DNAH5: variants seen among roughly 807,000 people sequenced by gnomAD.
DNAH5 encodes dynein axonemal heavy chain 5.
DNAH5 carries 372 observed loss-of-function variants against 518.2 expected under a neutral mutation model. The ratio of observed to expected loss-of-function variants is 0.72; its 90% CI spans 0.66 to 0.78. The LOEUF (loss-of-function observed/expected upper bound fraction) is 0.78, where lower values mean the gene tolerates loss of function less well. Among genes scored for constraint, DNAH5 ranks in the 30% least tolerant of loss-of-function variants. DNAH5 has a pLI of 0.00. For missense variants in DNAH5, 5,523 were observed against 5,687.0 expected, an observed-to-expected ratio of 0.97 and a Z score of 0.93; for synonymous variants, 2,039 against 2,025.9, an observed-to-expected ratio of 1.01 and a Z score of -0.17.
intron 12 of DNAH5, among the ~76,000 whole-genome samples, chr5:13,906,906 G>A (rs1775372965): frequency 7.6e-6 from 1 of 132,112 alleles, no homozygotes; most frequent in African/African-American, 2.5e-5. Context: ...AATGAGCTAA[G>A]CTGTCAGTTG....
In DNAH5 at chr5:13,856,191, A is replaced by G. The variant is rs190950479; in HGVS notation, c.4950+3261T>C. Among the ~76,000 whole-genome samples the G allele has an allele frequency of 3.0e-3, 460 of 152,306 alleles. 1 individual carries two copies. Among genetic ancestry groups the G allele is most frequent in the African/African-American group, 0.01 (427 of 41,556 alleles). On this transcript the variant is annotated intron_variant, in intron 30 of 78. Transcript: ENST00000265104. ...TAGAGACATGAAAAACCCTTCAAAA[A>G]AATCAATGAATCCAGGAGCTGGTTT...
At chr5:13,989,804 T>C (rs114495554) in intron 1 of DNAH5, among the ~76,000 whole-genome samples, 1 of 151,982 alleles carries the variant, frequency 6.6e-6, no homozygotes, top group African/African-American at 2.4e-5. Context: ...TTAATAGTGA[T>C]TAATATTTCT....
At position 13,864,589 on chromosome 5, in the gene DNAH5, G is replaced by A. The variant is rs1768950903; in HGVS notation, c.4404C>T (p.Asp1468=). The A allele has an allele frequency of 1.2e-6, 2 of 1,613,902 alleles. No homozygotes were observed. Residue 1468 remains aspartate, a synonymous_variant, in exon 28 of 79, where the codon GAC becomes GAT. Transcript: ENST00000265104. ...TGAAATCATCAATGATCTTCTTCAG[G>A]TCCAAAAAAGCCTGCCAGTCCTTCA... The part of the protein sequence containing the change: ...RALKDWQAFL[D]LKKIIDDFSE...
intron 1 of DNAH5, among the ~76,000 whole-genome samples, chr5:13,987,817 G>A (rs1783162722): frequency 6.6e-6 from 1 of 150,392 alleles, no homozygotes; most frequent in Non-Finnish European, 1.5e-5. Context: ...TGGCGCCACT[G>A]CACTCCAGCC....
At position 13,766,102 on chromosome 5, in the gene DNAH5, G is replaced by A. The variant is rs771715883; in HGVS notation, c.9975C>T (p.Cys3325=). The part of the protein sequence containing the change: ...PPHLIMRIMD[C]VLLLFQRKVS... ...CTTTCCTTTGAAACAGCAGCAGTACGCAATCCATGATCCGCATGATGAGGT... is the reference window on the plus strand; with the variant it reads ...CTTTCCTTTGAAACAGCAGCAGTACACAATCCATGATCCGCATGATGAGGT... Residue 3325 remains cysteine (C), a synonymous_variant, in exon 59 of 79, where the codon TGC becomes TGT. Coordinates refer to ENST00000265104, the MANE Select transcript of DNAH5 (RefSeq NM_001369.3). 71 of 1,614,064 alleles carry A rather than the reference G, an allele frequency of 4.4e-5. No homozygotes were observed. The Middle Eastern group carries it at 8.2e-4, about 19-fold the overall frequency.
At chr5:13,739,159 C>T (rs912075511) in intron 65 of DNAH5, among the ~76,000 whole-genome samples, 18 of 152,124 alleles carry the variant, frequency 1.2e-4, no homozygotes, top group African/African-American at 4.1e-4. Flanking sequence ...CAATTGGGTA[C>T]TCTGGATATG....
chr5:13,956,505 A>G (rs1780771207), intron 1 of DNAH5, among the ~76,000 whole-genome samples: 1 of 151,924 alleles, frequency 6.6e-6, no homozygotes, highest in African/African-American at 2.4e-5. Flanking sequence ...ATTGTCTTTT[A>G]TCTTTGTTAA....
chr5:13,847,677 T>C lies in DNAH5; in HGVS notation c.5115-2684A>G, dbSNP rs554152477. Among the ~76,000 whole-genome samples, 4 of 150,626 alleles carry C rather than the reference T, an allele frequency of 2.7e-5. No homozygotes were observed. The South Asian group carries it at 8.5e-4, about 32-fold the overall frequency. ...AGGCGGAGGCTGCAGTGGGCTGAGA[T>C]TGCACCACTGCACTCCAGCCTGGGC... On this transcript the variant is annotated intron_variant, in intron 31 of 78. Transcript: ENST00000265104.
intron 65 of DNAH5, among the ~76,000 whole-genome samples, 200 bp from the exon 66 acceptor site, chr5:13,737,695 C>T (rs1282271671): frequency 1.3e-5 from 2 of 151,842 alleles, no homozygotes; most frequent in Admixed American, 6.6e-5. Context: ...GAGGCAGAGG[C>T]GGGTGGATCA....
At chr5:13,823,035 T>G (rs1370148737) in intron 40 of DNAH5, among the ~76,000 whole-genome samples, 1 of 152,228 alleles carries the variant, frequency 6.6e-6, no homozygotes, top group African/African-American at 2.4e-5. Context: ...ATAGGGCTAC[T>G]CGCACATGAC....
chr5:13,922,005 A>G, intron 5 of DNAH5, 102 bp downstream of exon 5: 1 of 1,275,304 alleles, frequency 7.8e-7, no homozygotes. Flanking sequence ...AAGAACTGAA[A>G]CATAGAGGAA....
At chr5:13,822,207 A>G (rs1392985636) in intron 40 of DNAH5, among the ~76,000 whole-genome samples, 8 of 151,948 alleles carry the variant, frequency 5.3e-5, no homozygotes, top group Admixed American at 3.9e-4. Flanking sequence ...AAAGCAAAAT[A>G]TAAACTAAGT....
At position 13,732,255 on chromosome 5, in the gene DNAH5, A is replaced by G. The variant is rs185594944; in HGVS notation, c.11762-2695T>C. Among the ~76,000 whole-genome samples the G allele has an allele frequency of 2.2e-4, 34 of 152,282 alleles. No homozygotes were observed. The East Asian group carries it at 5.0e-3, about 22-fold the overall frequency. On this transcript the variant is annotated intron_variant, in intron 68 of 78. Coordinates refer to ENST00000265104, the MANE Select transcript of DNAH5 (RefSeq NM_001369.3). Reference sequence around the variant, plus strand: ...TTTATCACAGTTCTGGAAGATGGGAATTCCAAGTTCAAGGCACCAGTGATT... The same window carrying G: ...TTTATCACAGTTCTGGAAGATGGGAGTTCCAAGTTCAAGGCACCAGTGATT...
chr5:13,808,246 A>AAAAAAAAAT, intron 46 of DNAH5, among the ~76,000 whole-genome samples: 1 of 143,792 alleles, frequency 7.0e-6, no homozygotes, highest in African/African-American at 2.7e-5. Context: ...AAAAAAAAAA[A>AAAAAAAAAT]AAGAGGAAAT....
At chr5:13,949,350 T>C (rs114084458), upstream of DNAH5, among the ~76,000 whole-genome samples, 1,302 of 152,274 alleles carry the variant, frequency 8.6e-3, 18 homozygotes, top group African/African-American at 0.03. Context: ...AAAAAACTCA[T>C]AATAAAAAGG....
At chr5:13,867,130 A>C (rs1443065797) in intron 25 of DNAH5, among the ~76,000 whole-genome samples, 1 of 152,188 alleles carries the variant, frequency 6.6e-6, no homozygotes, top group South Asian at 2.1e-4. Flanking sequence ...GCTACCAAAC[A>C]ACTTCAGTAA....
chr5:13,794,082 A>C, intron 47 of DNAH5, 24 bp from the exon 48 acceptor site: 1 of 1,614,032 alleles, frequency 6.2e-7, no homozygotes, highest in Non-Finnish European at 8.5e-7. Flanking sequence ...ATCAACTGAA[A>C]CATCTGTGAA....
chr5:13,948,119 T>C (rs1311521828), upstream of DNAH5, among the ~76,000 whole-genome samples: 1 of 152,196 alleles, frequency 6.6e-6, no homozygotes, highest in Non-Finnish European at 1.5e-5. Context: ...GAAATGTGTG[T>C]CCCGGTTGTT....
At chr5:13,919,127 A>C (rs746963955) in intron 7 of DNAH5, 49 bp downstream of exon 7, 1 of 1,610,938 alleles carries the variant, frequency 6.2e-7, no homozygotes, top group Non-Finnish European at 8.5e-7. Flanking sequence ...AAATATGCAT[A>C]GAGAACTCTT....
Sources: allele counts gnomAD v4.1 joint callset (sites outside exome capture counted in the v4.1 genomes callset), GRCh38; gene constraint gnomAD v4.1.1; transcripts MANE v1.5; gene names NCBI Gene and HGNC (gene_info 2026-07-23, HGNC 2026-07-21).